The following ZNF431 variants were observed in gnomAD, a reference collection of about 807,000 sequenced individuals.
ZNF431 encodes zinc finger protein 431.
Under a neutral mutation model 57.0 loss-of-function variants are expected in ZNF431, and 34 were observed. That is an observed-to-expected ratio of 0.60 (90% CI 0.45 to 0.79). ZNF431 has a LOEUF of 0.79. Among genes scored for constraint, ZNF431 ranks in the 30% least tolerant of loss-of-function variants. The pLI is 0.00. For missense variants in ZNF431, 607 were observed against 667.1 expected, an observed-to-expected ratio of 0.91 and a Z score of 0.99; for synonymous variants, 207 against 220.3, an observed-to-expected ratio of 0.94 and a Z score of 0.54.
intron 4 of ZNF431, among the ~76,000 whole-genome samples, chr19:21,172,424 T>C (rs1400270098): frequency 7.3e-6 from 1 of 137,314 alleles, no homozygotes; most frequent in Non-Finnish European, 1.5e-5. Flanking sequence ...CGAGATTCCA[T>C]CTCAAAAAAA....
In ZNF431 at chr19:21,194,768, C is replaced by T. The variant is rs1021923108; in HGVS notation, c.*10734C>T. 6.6e-6 allele frequency: 1 copy of T among 152,124 alleles called. No individual in the cohort carries two copies. Among genetic ancestry groups the T allele is most frequent in the Non-Finnish European group, 1.5e-5 (1 of 68,026 alleles). The allele number at this position is 152,124 out of a possible 1,614,324, so 9.4% of individuals were successfully genotyped here. A position where few individuals can be genotyped will look rare whatever the true frequency, so the allele number is the denominator to read the frequency against. On this transcript the variant is annotated 3_prime_UTR_variant, in exon 5 of 5. Transcript: ENST00000311048. Reference sequence around the variant, plus strand: ...CCCAACCCCATATTATTTCTGGTAACAAAGCACAGAAACATGATTTCTCGA... The same window carrying T: ...CCCAACCCCATATTATTTCTGGTAATAAAGCACAGAAACATGATTTCTCGA...
chr19:21,175,691 T>C (rs180870257), intron 4 of ZNF431, among the ~76,000 whole-genome samples: 94 of 152,336 alleles, frequency 6.2e-4, no homozygotes, highest in African/African-American at 2.0e-3. Context: ...TTTTCTGTTC[T>C]TGTATTAGTT....
At chr19:21,144,357 C>T (rs1171483341) in intron 2 of ZNF431, among the ~76,000 whole-genome samples, 2 of 152,040 alleles carry the variant, frequency 1.3e-5, no homozygotes, top group Admixed American at 6.6e-5. Context: ...CACCACCACA[C>T]CCAGCTAATT....
At chr19:21,175,535 C>T (rs1484152528) in intron 4 of ZNF431, 11 of 652,320 alleles carry the variant, frequency 1.7e-5, no homozygotes, top group South Asian at 1.0e-4. Flanking sequence ...CCTCTCACCT[C>T]GGTGATAAGC....
At position 21,175,785 on chromosome 19, in the gene ZNF431, A is replaced by G. The variant is rs564110579; in HGVS notation, c.320-6838A>G. Reference sequence around the variant, plus strand: ...CCTTTTTATGGCTGCATATTAGTCTATGGTGCATATGTACCACATTTTCTT... The same window carrying G: ...CCTTTTTATGGCTGCATATTAGTCTGTGGTGCATATGTACCACATTTTCTT... On this transcript the variant is annotated intron_variant, in intron 4 of 4. Transcript: ENST00000311048. 3.3e-5 allele frequency among the ~76,000 whole-genome samples: 5 copies of G among 152,316 alleles called. No homozygotes were observed. In the South Asian group the frequency reaches 8.3e-4, roughly 25 times the overall value.
In ZNF431 at chr19:21,183,165, T is replaced by C. The variant is rs780581160; in HGVS notation, c.862T>C (p.Tyr288His). ...GATAATTCATACTGGGGAGAAACCA[T>C]ATAGATGTGAAGAATGTGGCAAAGC... The part of the protein sequence containing the change: ...HKIIHTGEKP[Y>H]RCEECGKAFN... The change falls in exon 5 of 5, where the codon TAT (tyrosine) becomes CAT (histidine). Residue 288 changes from tyrosine (Y) to histidine (H), a missense_variant. Tyr to His is a moderately conservative substitution (Grantham distance 83, BLOSUM62 2). Transcript: ENST00000311048. The C allele has an allele frequency of 3.7e-6, 6 of 1,613,910 alleles. No individual in the cohort carries two copies. In the South Asian group the frequency reaches 5.5e-5, roughly 15 times the overall value.
At position 21,188,489 on chromosome 19, in the gene ZNF431, A is replaced by G. The variant is rs2145071173; in HGVS notation, c.*4455A>G. The G allele has an allele frequency of 6.6e-6, 1 of 152,324 alleles. No homozygotes were observed. The highest frequency in any genetic ancestry group is 1.9e-4 in the East Asian group (1 of 5,196). The allele number at this position is 152,324 out of a possible 1,614,324, so 9.4% of individuals were successfully genotyped here. On this transcript the variant is annotated 3_prime_UTR_variant, in exon 5 of 5. Transcript: ENST00000311048. Reference sequence around the variant, plus strand: ...TACAGCACAACTTATATTTCCATGCAGAATCTTTTATTTTTAAGTGTGAGT... The same window carrying G: ...TACAGCACAACTTATATTTCCATGCGGAATCTTTTATTTTTAAGTGTGAGT...
At chr19:21,182,274 A>G (rs923498145) in intron 4 of ZNF431, among the ~76,000 whole-genome samples, 11 of 152,228 alleles carry the variant, frequency 7.2e-5, no homozygotes, top group Non-Finnish European at 1.5e-4. Flanking sequence ...TAAAAAAGAA[A>G]CGAAAAGTTA....
Position 21,183,576 on chromosome 19 carries a change from G to A in ZNF431, c.1273G>A (p.Glu425Lys). The A allele has an allele frequency of 1.2e-6, 2 of 1,613,454 alleles. No homozygotes were observed. Among genetic ancestry groups the A allele is most frequent in the South Asian group, 1.1e-5 (1 of 91,086 alleles). The part of the protein sequence containing the change: ...LTTHKMIHTG[E>K]KPYKCEECGK... ...TACACATAAGATGATTCATACTGGA[G>A]AGAAACCCTACAAATGTGAAGAATG... is the stretch of plus-strand genomic sequence containing the variant. Residue 425 changes from glutamate to lysine, a missense_variant, in exon 5 of 5, where the codon GAG (glutamate) becomes AAG (lysine). By Grantham distance (56) the Glu-to-Lys change is moderately conservative. Coordinates refer to ENST00000311048, the MANE Select transcript of ZNF431 (RefSeq NM_133473.4).
At chr19:21,146,979 G>A (rs563870504) in intron 2 of ZNF431, among the ~76,000 whole-genome samples, 1 of 152,088 alleles carries the variant, frequency 6.6e-6, no homozygotes. Flanking sequence ...TGATATTTTT[G>A]CCTAACTATT....
intron 4 of ZNF431, among the ~76,000 whole-genome samples, chr19:21,176,399 C>T (rs1042849880): frequency 6.6e-6 from 1 of 151,964 alleles, no homozygotes; most frequent in African/African-American, 2.4e-5. Context: ...TGCCACCATG[C>T]CTGGCTAATT....
intron 2 of ZNF431, among the ~76,000 whole-genome samples, chr19:21,154,361 A>G (rs1267194172): frequency 6.6e-6 from 1 of 152,106 alleles, no homozygotes; most frequent in African/African-American, 2.4e-5. Context: ...ATCATTTTTT[A>G]TGGCTGCATA....
intron 4 of ZNF431, among the ~76,000 whole-genome samples, chr19:21,176,160 A>G (rs1297556372): frequency 6.7e-6 from 1 of 149,358 alleles, no homozygotes; most frequent in African/African-American, 2.5e-5. Context: ...TTTGATTTCC[A>G]TTTCTTTAAT....
At position 21,142,167 on chromosome 19, in the gene ZNF431, C is replaced by A. The variant is rs1177694011; in HGVS notation, c.-17C>A. ...AGACCCACAGCTAAGACACCGGGAC[C>A]CCCTGAAAGCCTAGAAATGGTGAGA... On this transcript the variant is annotated 5_prime_UTR_variant, in exon 1 of 5. Transcript: ENST00000311048. 1.2e-6 allele frequency: 2 copies of A among 1,612,832 alleles called. No homozygotes were observed. The highest frequency in any genetic ancestry group is 2.2e-5 in the South Asian group (2 of 90,990).
At chr19:21,160,073 G>C (rs942511248) in intron 2 of ZNF431, among the ~76,000 whole-genome samples, 1 of 147,592 alleles carries the variant, frequency 6.8e-6, no homozygotes, top group Non-Finnish European at 1.5e-5. Context: ...TACTTTACTT[G>C]ATGTAACACC....
intron 2 of ZNF431, among the ~76,000 whole-genome samples, chr19:21,153,304 C>G (rs1970327255): frequency 6.6e-6 from 1 of 152,150 alleles, no homozygotes; most frequent in African/African-American, 2.4e-5. Context: ...GTTAGAATGT[C>G]TAACCATCTG....
intron 2 of ZNF431, among the ~76,000 whole-genome samples, chr19:21,151,416 A>G (rs1970269633): frequency 6.6e-6 from 1 of 152,222 alleles, no homozygotes; most frequent in African/African-American, 2.4e-5. Context: ...CAGGTCAAAC[A>G]GCCAATATCT....
chr19:21,172,129 T>A (rs1007904523), intron 4 of ZNF431, among the ~76,000 whole-genome samples: 2 of 19,022 alleles, frequency 1.1e-4, no homozygotes, highest in Non-Finnish European at 3.0e-4. Context: ...AAAAATTAAT[T>A]GTTGTAAAAA....
chr19:21,172,887 C>T lies in ZNF431; in HGVS notation c.319+5221C>T, dbSNP rs929915638. 4.6e-5 allele frequency among the ~76,000 whole-genome samples: 7 copies of T among 152,130 alleles called. 1 individual carries two copies. The South Asian group carries it at 6.2e-4, about 14-fold the overall frequency. On this transcript the variant is annotated intron_variant, in intron 4 of 4. Transcript: ENST00000311048. The stretch of plus-strand genomic sequence containing the variant: ...AATTTCACATGTTGTGAAACTAAAA[C>T]CCAATATCCATTTAAGTGACAAGAT...
Sources: gnomAD v4.1 joint callset for allele counts (sites outside exome capture counted in the v4.1 genomes callset) on GRCh38, gnomAD v4.1.1 for gene constraint, MANE v1.5 for transcripts, NCBI Gene and HGNC (gene_info 2026-07-23, HGNC 2026-07-21) for gene names.